KCNIP3: variants seen among roughly 807,000 people sequenced by gnomAD.
The protein encoded by KCNIP3 is potassium voltage-gated channel interacting protein 3.
KCNIP3 carries 28 observed loss-of-function variants against 35.0 expected under a neutral mutation model. The observed-to-expected ratio is 0.80, with a 90% confidence interval of 0.59 to 1.10. The LOEUF (loss-of-function observed/expected upper bound fraction) is 1.10. KCNIP3 is among the 50% of genes least tolerant of loss of function. The probability of loss-of-function intolerance (pLI) is 0.00; values close to 1 mark genes in which losing one functional copy is unlikely to be tolerated. For synonymous variants in KCNIP3, 134 were observed against 133.8 expected, an observed-to-expected ratio of 1.00 and a Z score of -0.01; for missense variants, 295 against 338.4, an observed-to-expected ratio of 0.87 and a Z score of 1.01.
intron 5 of KCNIP3, among the ~76,000 whole-genome samples, chr2:95,380,382 A>G (rs1680307342): frequency 6.6e-6 from 1 of 152,174 alleles, no homozygotes; most frequent in Admixed American, 6.5e-5. Context: ...GACTTCTTCC[A>G]GTCCCGAAAA....
At chr2:95,352,776 C>A (rs961383569) in intron 2 of KCNIP3, among the ~76,000 whole-genome samples, 13 of 152,204 alleles carry the variant, frequency 8.5e-5, no homozygotes, top group African/African-American at 3.1e-4. Context: ...GCCAGGGGGC[C>A]AGCCAGGGCC....
intron 2 of KCNIP3, among the ~76,000 whole-genome samples, chr2:95,365,663 A>C (rs893929417): frequency 6.6e-5 from 10 of 152,086 alleles, no homozygotes; most frequent in Admixed American, 2.0e-4. Flanking sequence ...TAATGGAAGA[A>C]ATAGCAGCAG....
intron 1 of KCNIP3, among the ~76,000 whole-genome samples, chr2:95,301,791 G>C (rs1678037633): frequency 6.6e-6 from 1 of 152,180 alleles, no homozygotes; most frequent in Non-Finnish European, 1.5e-5. Context: ...GCAGCCATCA[G>C]AGCAGGGGTG....
Position 95,339,334 on chromosome 2 carries a change from C to T in KCNIP3, c.181+28814C>T, listed in dbSNP as rs556876893. Among the ~76,000 whole-genome samples the T allele has an allele frequency of 2.0e-3, 311 of 152,268 alleles. 5 individuals are homozygous for T. The highest frequency in any genetic ancestry group is 1.1e-3 in the Non-Finnish European group (76 of 68,026). ...GTGGCTCACACCTGTAATCTCAGCA[C>T]TCTGGGAGGCTGAGGCGGGCAGATC... On this transcript the variant is annotated intron_variant, in intron 2 of 8. Transcript: ENST00000295225.
At chr2:95,374,472 A>G (rs1196798654) in intron 3 of KCNIP3, 52 bp downstream of exon 3, 3 of 1,594,328 alleles carry the variant, frequency 1.9e-6, no homozygotes, top group Non-Finnish European at 2.6e-6. Flanking sequence ...TGGCTCAGGG[A>G]GACCTGGAAA....
intron 1 of KCNIP3, among the ~76,000 whole-genome samples, chr2:95,299,593 T>C (rs1677968053): frequency 6.6e-6 from 1 of 152,236 alleles, no homozygotes; most frequent in Non-Finnish European, 1.5e-5. Flanking sequence ...TCCATGAGCT[T>C]GATCCCATGA....
chr2:95,342,232 G>A (rs115701791), intron 2 of KCNIP3, among the ~76,000 whole-genome samples: 188 of 152,288 alleles, frequency 1.2e-3, no homozygotes, highest in Non-Finnish European at 2.2e-3. Flanking sequence ...TTTGGAGCTG[G>A]ACTGCTTGGG....
At chr2:95,356,103 T>C (rs1329684213) in intron 2 of KCNIP3, among the ~76,000 whole-genome samples, 1 of 152,264 alleles carries the variant, frequency 6.6e-6, no homozygotes, top group Non-Finnish European at 1.5e-5. Flanking sequence ...CCAGTGATGA[T>C]GAGCATTTTT....
intron 1 of KCNIP3, among the ~76,000 whole-genome samples, chr2:95,308,275 C>T (rs1324896364): frequency 2.6e-5 from 4 of 152,220 alleles, no homozygotes; most frequent in Non-Finnish European, 5.9e-5. Context: ...CACTGAGCCC[C>T]CTCATTGCTT....
intron 2 of KCNIP3, among the ~76,000 whole-genome samples, chr2:95,329,143 G>T (rs1409416162): frequency 6.6e-6 from 1 of 152,210 alleles, no homozygotes; most frequent in Non-Finnish European, 1.5e-5. Context: ...TTACTTCGAG[G>T]ATTAAATAGA....
intron 2 of KCNIP3, among the ~76,000 whole-genome samples, chr2:95,371,836 ACT>A (rs1279179138): frequency 7.3e-6 from 1 of 136,838 alleles, no homozygotes; most frequent in African/African-American, 2.8e-5. Context: ...ATGGAGTCTC[ACT>A]CTGTCACCCA....
At chr2:95,348,472 G>T (rs562913559) in intron 2 of KCNIP3, among the ~76,000 whole-genome samples, 9 of 152,290 alleles carry the variant, frequency 5.9e-5, no homozygotes, top group Non-Finnish European at 1.2e-4. Context: ...GGGGTGGCTG[G>T]TGCACAGGGA....
intron 2 of KCNIP3, among the ~76,000 whole-genome samples, chr2:95,367,312 A>G (rs1261684203): frequency 6.6e-6 from 1 of 152,130 alleles, no homozygotes; most frequent in African/African-American, 2.4e-5. Context: ...AAAAACCAAT[A>G]TCTTTATTCT....
At chr2:95,331,483 A>C (rs1573495694) in intron 2 of KCNIP3, among the ~76,000 whole-genome samples, 1 of 152,170 alleles carries the variant, frequency 6.6e-6, no homozygotes, top group East Asian at 1.9e-4. Context: ...GGAGGGATAC[A>C]TTTGGGGGTC....
intron 2 of KCNIP3, among the ~76,000 whole-genome samples, chr2:95,364,135 T>C (rs182146232): frequency 6.6e-6 from 1 of 152,090 alleles, no homozygotes; most frequent in Non-Finnish European, 1.5e-5. Flanking sequence ...TTTTCTGTAA[T>C]TTTTTTTGTA....
chr2:95,329,412 C>T (rs1014923823), intron 2 of KCNIP3, among the ~76,000 whole-genome samples: 2 of 152,266 alleles, frequency 1.3e-5, no homozygotes, highest in South Asian at 2.1e-4. Flanking sequence ...GCCAACAGGA[C>T]TGGCATTCGC....
intron 2 of KCNIP3, among the ~76,000 whole-genome samples, chr2:95,351,187 C>A (rs1158967871): frequency 6.6e-6 from 1 of 152,224 alleles, no homozygotes; most frequent in Non-Finnish European, 1.5e-5. Flanking sequence ...ACTGCCCTGG[C>A]CAGGGGTGGA....
At chr2:95,358,967 C>T (rs1178778541) in intron 2 of KCNIP3, among the ~76,000 whole-genome samples, 1 of 152,114 alleles carries the variant, frequency 6.6e-6, no homozygotes, top group East Asian at 1.9e-4. Context: ...ACCCCCCTTT[C>T]AAAAACCAAA....
chr2:95,314,067 G>A (rs530490122), intron 2 of KCNIP3, among the ~76,000 whole-genome samples: 2 of 152,100 alleles, frequency 1.3e-5, no homozygotes, highest in African/African-American at 2.4e-5. Flanking sequence ...CTCAGTCGCC[G>A]ATGCATCCCA....
Sources: allele counts gnomAD v4.1 joint callset (sites outside exome capture counted in the v4.1 genomes callset), GRCh38; gene constraint gnomAD v4.1.1; transcripts MANE v1.5; gene names NCBI Gene and HGNC (gene_info 2026-07-23, HGNC 2026-07-21).